CUX1: variants seen among roughly 807,000 people sequenced by gnomAD.
CUX1 encodes cut like homeobox 1.
CUX1 carries 31 observed loss-of-function variants against 158.8 expected under a neutral mutation model. The ratio of observed to expected loss-of-function variants is 0.20; its 90% CI spans 0.15 to 0.26. The LOEUF is 0.26. Ranked by LOEUF, CUX1 falls within the 10% of genes least tolerant of loss-of-function variation. CUX1 has a pLI of 1.00. For synonymous variants in CUX1, 879 were observed against 862.1 expected, an observed-to-expected ratio of 1.02 and a Z score of -0.34; for missense variants, 1,589 against 2,014.6, an observed-to-expected ratio of 0.79 and a Z score of 4.04.
At chr7:101,861,702 C>T (rs907611675) in intron 1 of CUX1, among the ~76,000 whole-genome samples, 135 of 152,002 alleles carry the variant, frequency 8.9e-4, no homozygotes, top group African/African-American at 3.2e-3. Context: ...TCTGCATGCC[C>T]AGGCTGGCTG....
chr7:102,240,017 G>A (rs1245955146), intron 23 of CUX1, among the ~76,000 whole-genome samples: 2 of 152,148 alleles, frequency 1.3e-5, no homozygotes, highest in African/African-American at 4.8e-5. Flanking sequence ...CAAAGTGCTG[G>A]GATTACAGGC....
rs538476647 is a variant in CUX1 at position 102,021,659 on chromosome 7, G to T, written c.142-6439G>T. Reference sequence around the variant, plus strand: ...TTTGGATGGAGTTTCCTGGGTTGAAGCGATTCTCCTGCCTCAGCCTTCTGA... The same window carrying T: ...TTTGGATGGAGTTTCCTGGGTTGAATCGATTCTCCTGCCTCAGCCTTCTGA... On this transcript the variant is annotated intron_variant, in intron 2 of 23. Transcript: ENST00000292535. Among the ~76,000 whole-genome samples, 4 of 133,334 alleles carry T rather than the reference G, an allele frequency of 3.0e-5. No homozygotes were observed. The South Asian group carries it at 9.6e-4, about 32-fold the overall frequency. The allele number at this position is 133,334 out of a possible 152,430, so 87.5% of individuals were successfully genotyped here.
At chr7:101,964,077 C>A (rs1253914354) in intron 2 of CUX1, among the ~76,000 whole-genome samples, 1 of 152,160 alleles carries the variant, frequency 6.6e-6, no homozygotes, top group Admixed American at 6.5e-5. Context: ...CGGTACCGGG[C>A]ACAGTGGCTT....
rs1196341269 is a variant in CUX1, at chr7:102,043,152, C to T, written c.189+15007C>T. On this transcript the variant is annotated intron_variant, in intron 3 of 23. Transcript: ENST00000292535. ...TTTTTGTAGAGACGAGGTTTTGCCA[C>T]GTTGGCTAGGCTGGTCTTGAACTCC... Among the ~76,000 whole-genome samples the T allele has an allele frequency of 7.9e-5, 12 of 152,122 alleles. No individual in the cohort carries two copies. In the East Asian group the frequency reaches 1.9e-3, roughly 25 times the overall value.
chr7:101,849,370 C>T (rs575398769), intron 1 of CUX1, among the ~76,000 whole-genome samples: 3 of 151,982 alleles, frequency 2.0e-5, no homozygotes, highest in African/African-American at 2.4e-5. Flanking sequence ...GTTTTTCCCC[C>T]CTCTCTGTGT....
chr7:102,197,130 T>G lies in CUX1; in HGVS notation c.1719T>G (p.Ile573Met). ...QLIKHNIGQR[I>M]FGHYVLGLSQ... The stretch of plus-strand genomic sequence containing the variant: ...TTAAGCACAATATCGGACAACGTAT[T>G]TTCGGACATTATGTGTTGGGACTGT... The change falls in exon 15 of 24, where the codon ATT (isoleucine) becomes ATG (methionine). Residue 573 changes from isoleucine (I) to methionine (M), a missense_variant. This residue lies in a region of CUX1 where 37 missense variants were observed against 124.9 expected (regional missense o/e 0.30). Transcript: ENST00000292535. The G allele has an allele frequency of 6.2e-7, 1 of 1,614,216 alleles. No individual in the cohort carries two copies. The highest frequency in any genetic ancestry group is 8.5e-7 in the Non-Finnish European group (1 of 1,180,026).
At chr7:101,950,393 T>C (rs1808917076) in intron 2 of CUX1, among the ~76,000 whole-genome samples, 1 of 152,170 alleles carries the variant, frequency 6.6e-6, no homozygotes, top group South Asian at 2.1e-4. Context: ...TCAAATTTCA[T>C]TGCCCATAGT....
chr7:102,016,477 C>T (rs1341300963), intron 2 of CUX1, among the ~76,000 whole-genome samples: 1 of 152,214 alleles, frequency 6.6e-6, no homozygotes, highest in African/African-American at 2.4e-5. Context: ...AAATGGAAGT[C>T]ACGTGCCTCA....
intron 3 of CUX1, among the ~76,000 whole-genome samples, chr7:102,060,118 A>T (rs937015012): frequency 1.1e-4 from 11 of 100,836 alleles, no homozygotes; most frequent in African/African-American, 3.0e-4. Context: ...TACTAAAAAA[A>T]TACAAAAAAA....
intron 1 of CUX1, among the ~76,000 whole-genome samples, chr7:101,874,942 T>C (rs1798966435): frequency 6.6e-6 from 1 of 152,202 alleles, no homozygotes. Context: ...CAGACACCGC[T>C]GCTGTTAGAC....
In CUX1 at chr7:102,080,289, G is replaced by A. The variant is rs1300422892; in HGVS notation, c.268+9872G>A. On this transcript the variant is annotated intron_variant, in intron 4 of 23. Coordinates refer to ENST00000292535, the MANE Select transcript of CUX1 (RefSeq NM_181552.4). ...GTTTGTGCCCCGCTTTGCCATGACC[G>A]GGGTGGTCCTGGCACGCCGGGTATC... is the stretch of plus-strand genomic sequence containing the variant. Among the ~76,000 whole-genome samples the A allele has an allele frequency of 2.0e-5, 3 of 152,180 alleles. No individual in the cohort carries two copies. In the East Asian group the frequency reaches 5.8e-4, roughly 29 times the overall value.
chr7:101,862,700 G>A (rs1249346818), intron 1 of CUX1, among the ~76,000 whole-genome samples: 1 of 152,100 alleles, frequency 6.6e-6, no homozygotes, highest in Non-Finnish European at 1.5e-5. Context: ...CCCTGAACAC[G>A]TTTCATCATC....
chr7:102,060,128 A>AG (rs398005633), intron 3 of CUX1, among the ~76,000 whole-genome samples: 2 of 151,302 alleles, frequency 1.3e-5, no homozygotes, highest in South Asian at 2.1e-4. Context: ...ATACAAAAAA[A>AG]GTAGCTGGGC....
rs1254757219 is a variant in CUX1 at position 101,869,745 on chromosome 7, G to A, written c.31-46370G>A. Among the ~76,000 whole-genome samples, 1 of 152,162 alleles carries A rather than the reference G, an allele frequency of 6.6e-6. No homozygotes were observed. The highest frequency in any genetic ancestry group is 1.5e-5 in the Non-Finnish European group (1 of 68,010). ...GGGCGGGAGCTCACAGGCTGCAGAG[G>A]AAGCGCAGGGGAGGCGCAGGGGAGG... On this transcript the variant is annotated intron_variant, in intron 1 of 23. Coordinates refer to ENST00000292535, the MANE Select transcript of CUX1 (RefSeq NM_181552.4). The surrounding 1 kb of genome is among the most constrained non-coding windows in gnomAD (Gnocchi z 4.5).
chr7:102,074,087 G>GAGGCTTAC (rs1431991036), intron 4 of CUX1, among the ~76,000 whole-genome samples: 2 of 152,208 alleles, frequency 1.3e-5, no homozygotes, highest in Non-Finnish European at 2.9e-5. Context: ...TTCTGTGGCT[G>GAGGCTTAC]AGGCTTACAG....
chr7:102,103,788 A>T (rs1830042931), intron 5 of CUX1, among the ~76,000 whole-genome samples: 1 of 151,784 alleles, frequency 6.6e-6, no homozygotes, highest in Non-Finnish European at 1.5e-5. Flanking sequence ...GTGTGGGTAC[A>T]TAGTAGGTGT....
intron 22 of CUX1, among the ~76,000 whole-genome samples, chr7:102,238,101 G>A (rs1296088317): frequency 6.6e-6 from 1 of 152,236 alleles, no homozygotes; most frequent in Non-Finnish European, 1.5e-5. Context: ...ATCACAGGGA[G>A]ATGGTTAGGC....
At chr7:102,115,016 G>C (rs1262338855) in intron 7 of CUX1, among the ~76,000 whole-genome samples, 191 bp from the exon 8 acceptor site, 1 of 152,186 alleles carries the variant, frequency 6.6e-6, no homozygotes, top group Admixed American at 6.5e-5. Flanking sequence ...AGGCAGAAAT[G>C]AAGGGGGATT....
rs149741563 is a variant in CUX1, at chr7:102,276,521, C to T, written c.1563+1162C>T. Among the ~76,000 whole-genome samples the T allele has an allele frequency of 6.2e-3, 946 of 152,314 alleles. 13 individuals carry two copies. The highest frequency in any genetic ancestry group is 0.021 in the African/African-American group (890 of 41,572). On this transcript the variant is annotated intron_variant, in intron 17 of 22. Transcript: ENST00000292538. ...TTCTCCATATTGGCCAGGCTGGTCT[C>T]GAACTCCTGACCTCAGGTGATCTGC...
Sources: gnomAD v4.1 joint callset for allele counts (sites outside exome capture counted in the v4.1 genomes callset) on GRCh38, gnomAD v4.1.1 for gene constraint, gnomAD v4.1.1 regional missense constraint, Gnocchi (gnomAD v3.1) non-coding constraint, MANE v1.5 for transcripts, NCBI Gene and HGNC (gene_info 2026-07-23, HGNC 2026-07-21) for gene names.